The following ARB2A variants were observed in gnomAD, a reference collection of about 807,000 sequenced individuals.
The protein encoded by ARB2A is ARB2 cotranscriptional regulator A.
chr5:93,818,183 C>T, the ARB2A span, among the ~76,000 whole-genome samples: 1 of 150,556 alleles, frequency 6.6e-6, no homozygotes, highest in South Asian at 2.1e-4. Context: ...TAAAAAAAGA[C>T]AGATAATAAT....
chr5:94,099,136 G>C, the ARB2A span, among the ~76,000 whole-genome samples: 4 of 152,110 alleles, frequency 2.6e-5, no homozygotes, highest in Non-Finnish European at 5.9e-5. Flanking sequence ...TATGGGGCCA[G>C]CATCACCTTG....
At chr5:93,917,251 T>C in the ARB2A span, among the ~76,000 whole-genome samples, 1 of 152,180 alleles carries the variant, frequency 6.6e-6, no homozygotes, top group South Asian at 2.1e-4. Context: ...ATTGCTACAG[T>C]GCAGTACAGT....
chr5:94,020,237 C>T, the ARB2A span, among the ~76,000 whole-genome samples: 20 of 59,844 alleles, frequency 3.3e-4, no homozygotes, highest in South Asian at 1.1e-3. Flanking sequence ...CACATGGACA[C>T]GGGGCGGGGG....
chr5:93,665,114 G>A, the ARB2A span, among the ~76,000 whole-genome samples: 60 of 152,192 alleles, frequency 3.9e-4, no homozygotes, highest in African/African-American at 1.3e-3. Context: ...GGCATGAGCC[G>A]CTGCACCTGG....
the ARB2A span, chr5:93,805,159 C>T: frequency 2.0e-6 from 2 of 984,362 alleles, no homozygotes; most frequent in African/African-American, 3.5e-5. Context: ...TTCTAGAAAT[C>T]ACCAATCTAA....
chr5:93,668,697 T>C, the ARB2A span, among the ~76,000 whole-genome samples: 1 of 152,186 alleles, frequency 6.6e-6, no homozygotes, highest in Admixed American at 6.5e-5. Context: ...ATTTAGAATA[T>C]TCCTCTTCAC....
chr5:93,838,743 T>TG, the ARB2A span, among the ~76,000 whole-genome samples: 1 of 152,178 alleles, frequency 6.6e-6, no homozygotes, highest in South Asian at 2.1e-4. Flanking sequence ...TAATTCTCAT[T>TG]GGGGAGACCT....
the ARB2A span, among the ~76,000 whole-genome samples, chr5:93,764,687 T>C: frequency 6.6e-6 from 1 of 152,122 alleles, no homozygotes; most frequent in Non-Finnish European, 1.5e-5. Context: ...CCTCCCTAAC[T>C]CATTTTATGA....
chr5:93,857,357 CTTTT>C, the ARB2A span, among the ~76,000 whole-genome samples: 3 of 152,198 alleles, frequency 2.0e-5, no homozygotes, highest in African/African-American at 7.2e-5. Flanking sequence ...TTACTGCTGT[CTTTT>C]TGTTTGTCTG....
At chr5:93,971,627 T>C in the ARB2A span, among the ~76,000 whole-genome samples, 29 of 145,516 alleles carry the variant, frequency 2.0e-4, no homozygotes, top group South Asian at 6.0e-3. Context: ...AAATACAATA[T>C]TTATTCTATC....
the ARB2A span, among the ~76,000 whole-genome samples, chr5:93,968,107 C>A: frequency 6.6e-6 from 1 of 152,080 alleles, no homozygotes; most frequent in Non-Finnish European, 1.5e-5. Flanking sequence ...ACACTAAAGA[C>A]CTATTTACTT....
chr5:94,021,905 C>G, the ARB2A span, among the ~76,000 whole-genome samples: 1 of 152,126 alleles, frequency 6.6e-6, no homozygotes, highest in East Asian at 1.9e-4. Flanking sequence ...CCCATCTCTA[C>G]TAAAAATACA....
the ARB2A span, among the ~76,000 whole-genome samples, chr5:94,056,713 A>G: frequency 1.3e-5 from 2 of 152,186 alleles, no homozygotes; most frequent in Non-Finnish European, 2.9e-5. Flanking sequence ...ACTCAAACAG[A>G]TATACTTGCA....
chr5:93,825,311 TAA>T, the ARB2A span, among the ~76,000 whole-genome samples: 2 of 6,104 alleles, frequency 3.3e-4, no homozygotes, highest in Admixed American at 2.6e-3. Flanking sequence ...ACAAACAAGA[TAA>T]TTTTTTTTCT....
the ARB2A span, among the ~76,000 whole-genome samples, chr5:93,935,680 A>G: frequency 0.092 from 13,969 of 152,240 alleles, 809 homozygotes; most frequent in Middle Eastern, 0.16. Flanking sequence ...TCCAAAGAGA[A>G]TCTTCATAAT....
the ARB2A span, among the ~76,000 whole-genome samples, chr5:93,906,232 C>A: frequency 6.6e-6 from 1 of 151,390 alleles, no homozygotes; most frequent in Non-Finnish European, 1.5e-5. Flanking sequence ...TTTTGACATA[C>A]ATTTTGCATT....
the ARB2A span, among the ~76,000 whole-genome samples, chr5:94,083,453 G>T: frequency 1.1e-3 from 167 of 152,062 alleles, no homozygotes; most frequent in African/African-American, 3.9e-3. Context: ...AAAAGCATTT[G>T]ATAAAATTCA....
At chr5:93,844,044 A>T in the ARB2A span, among the ~76,000 whole-genome samples, 2 of 151,968 alleles carry the variant, frequency 1.3e-5, no homozygotes, top group African/African-American at 4.8e-5. Flanking sequence ...TTAAGAAAGA[A>T]AAATAAAATT....
chr5:94,020,249 G>T, the ARB2A span, among the ~76,000 whole-genome samples: 2 of 151,016 alleles, frequency 1.3e-5, no homozygotes, highest in African/African-American at 2.4e-5. Flanking sequence ...GGGCGGGGGG[G>T]GTAACATCAC....
Sources: allele counts gnomAD v4.1 joint callset (sites outside exome capture counted in the v4.1 genomes callset), GRCh38; gene constraint gnomAD v4.1.1; transcripts MANE v1.5; gene names NCBI Gene and HGNC (gene_info 2026-07-23, HGNC 2026-07-21).